Variants in GRIA3 observed in about 807,000 individuals in gnomAD.
The protein encoded by GRIA3 is glutamate ionotropic receptor AMPA type subunit 3.
Under a neutral mutation model 63.0 loss-of-function variants are expected in GRIA3, and 3 were observed. The observed-to-expected ratio is 0.05, with a 90% CI of 0.02 to 0.12. The LOEUF (loss-of-function observed/expected upper bound fraction) is 0.12. Ranked by LOEUF, GRIA3 falls within the 10% of genes least tolerant of loss-of-function variation. The pLI, the probability that GRIA3 is intolerant of heterozygous loss-of-function variation, is 1.00. For synonymous variants in GRIA3, 274 were observed against 257.9 expected (o/e 1.06, Z -0.60); for missense variants, 347 against 700.9 (o/e 0.50, Z 5.70).
intron 2 of GRIA3, among the ~76,000 whole-genome samples, chrX:123,221,528 C>T (rs1292992795): frequency 8.9e-6 from 1 of 111,907 alleles, no homozygotes; most frequent in East Asian, 2.8e-4. Context: ...TTTTCAAATG[C>T]AAGCATGTGT....
At chrX:123,298,181 G>C (rs1270590740) in intron 3 of GRIA3, among the ~76,000 whole-genome samples, 1 of 111,367 alleles carries the variant, frequency 9.0e-6, no homozygotes, top group Non-Finnish European at 1.9e-5. Flanking sequence ...TGAATATGCT[G>C]CAATGAACAG....
rs1450893578 is a variant in GRIA3 at position 123,369,444 on chromosome X, C to G, written c.750+14481C>G. 3.6e-5 allele frequency among the ~76,000 whole-genome samples: 4 copies of G among 111,865 alleles called. No homozygotes were observed. The East Asian group carries it at 1.1e-3, about 31-fold the overall frequency. The stretch of plus-strand genomic sequence containing the variant: ...ATTCATCCCTTTTTTCCCAGTTGCT[C>G]AGATCCTCAATTCCTGTCGAAGATT... On this transcript the variant is annotated intron_variant, in intron 5 of 15. Transcript: ENST00000620443.
At chrX:123,218,106 A>G (rs1320225451) in intron 2 of GRIA3, among the ~76,000 whole-genome samples, 3 of 112,738 alleles carry the variant, frequency 2.7e-5, no homozygotes, top group Non-Finnish European at 1.9e-5. Context: ...ACATTGTTCC[A>G]AAGATGCTAA....
intron 12 of GRIA3, among the ~76,000 whole-genome samples, chrX:123,429,966 T>A (rs1016548085): frequency 8.9e-6 from 1 of 112,280 alleles, no homozygotes; most frequent in Non-Finnish European, 1.9e-5. Flanking sequence ...TCTGGAAAGA[T>A]GAAGAGATTT....
At chrX:123,207,640 A>T (rs1005103250) in intron 2 of GRIA3, among the ~76,000 whole-genome samples, 1 of 112,186 alleles carries the variant, frequency 8.9e-6, no homozygotes, top group African/African-American at 3.2e-5. Flanking sequence ...TTTCTACTTC[A>T]GTGGGGCTTG....
chrX:123,390,896 C>A (rs1178395753), intron 5 of GRIA3, among the ~76,000 whole-genome samples: 3 of 110,440 alleles, frequency 2.7e-5, no homozygotes, highest in Non-Finnish European at 5.7e-5. Flanking sequence ...AAAATTATTT[C>A]TTCTGCTTGA....
chrX:123,481,929 A>G (rs905666779), intron 14 of GRIA3, among the ~76,000 whole-genome samples: 10 of 112,086 alleles, frequency 8.9e-5, no homozygotes, highest in Admixed American at 8.5e-4. Context: ...ATTTTTAAAA[A>G]TTATTCTCTA....
intron 3 of GRIA3, among the ~76,000 whole-genome samples, chrX:123,274,238 C>T (rs2044540569): frequency 8.9e-6 from 1 of 112,358 alleles, no homozygotes; most frequent in Admixed American, 9.4e-5. Flanking sequence ...TACTGTGTTT[C>T]CTGTCTTTTT....
At chrX:123,345,581 T>C (rs972950388) in intron 4 of GRIA3, among the ~76,000 whole-genome samples, 1 of 109,602 alleles carries the variant, frequency 9.1e-6, no homozygotes, top group East Asian at 2.9e-4. Flanking sequence ...CAGGGGAAGG[T>C]GGCAGTGCGG....
chrX:123,437,850 G>A (rs2045653984), intron 12 of GRIA3, among the ~76,000 whole-genome samples: 2 of 111,863 alleles, frequency 1.8e-5, no homozygotes, highest in South Asian at 3.8e-4. Context: ...GTTGGAGAAC[G>A]TTAGCTGTCT....
chrX:123,431,399 TG>T (rs199652417), intron 12 of GRIA3, among the ~76,000 whole-genome samples: 7,554 of 111,942 alleles, frequency 0.067, 583 homozygotes, highest in African/African-American at 0.22. Flanking sequence ...CCATGATCAG[TG>T]GAACAGAGGG....
At chrX:123,451,374 C>T (rs1019622600) in intron 12 of GRIA3, among the ~76,000 whole-genome samples, 6 of 106,611 alleles carry the variant, frequency 5.6e-5, no homozygotes, top group Non-Finnish European at 7.7e-5. Flanking sequence ...GATGAGGTGG[C>T]ACATGCTTGT....
intron 12 of GRIA3, among the ~76,000 whole-genome samples, chrX:123,429,289 G>A (rs1227887857): frequency 1.8e-5 from 2 of 112,328 alleles, no homozygotes; most frequent in African/African-American, 3.2e-5. Flanking sequence ...ACCAGGAAGA[G>A]TACATTTCTT....
intron 10 of GRIA3, among the ~76,000 whole-genome samples, chrX:123,413,736 A>G (rs1031483432): frequency 1.8e-5 from 2 of 110,284 alleles, no homozygotes; most frequent in African/African-American, 6.6e-5. Context: ...ATGAGATGAG[A>G]GTTGAAACCA....
At chrX:123,407,691 CGGGGGG>C (rs1214936362) in intron 10 of GRIA3, among the ~76,000 whole-genome samples, 1 of 2,050 alleles carries the variant, frequency 4.9e-4, no homozygotes, top group African/African-American at 1.5e-3. Context: ...GACTTGGTTG[CGGGGGG>C]GGGGGGGACG....
chrX:123,286,175 A>C (rs1427709498), intron 3 of GRIA3, among the ~76,000 whole-genome samples: 1 of 112,096 alleles, frequency 8.9e-6, no homozygotes, highest in Non-Finnish European at 1.9e-5. Flanking sequence ...ACTACTGGGT[A>C]AATAACAAAA....
At chrX:123,384,415 G>A (rs1159509183) in intron 5 of GRIA3, among the ~76,000 whole-genome samples, 5 of 111,742 alleles carry the variant, frequency 4.5e-5, no homozygotes, top group South Asian at 3.7e-4. Flanking sequence ...ACCTGAGGTC[G>A]GGAGTTCGAG....
chrX:123,232,461 G>A (rs1216687356), intron 2 of GRIA3, among the ~76,000 whole-genome samples: 1 of 111,665 alleles, frequency 9.0e-6, no homozygotes, highest in African/African-American at 3.3e-5. Context: ...GGGAAATGGG[G>A]AGTTATTATT....
At chrX:123,352,360 G>A (rs755377266) in intron 4 of GRIA3, among the ~76,000 whole-genome samples, 3 of 112,627 alleles carry the variant, frequency 2.7e-5, no homozygotes, top group Non-Finnish European at 5.6e-5. Context: ...GATTACAGGC[G>A]TAAGCCACCG....
Sources: allele counts gnomAD v4.1 joint callset (sites outside exome capture counted in the v4.1 genomes callset), GRCh38; gene constraint gnomAD v4.1.1; transcripts MANE v1.5; gene names NCBI Gene and HGNC (gene_info 2026-07-23, HGNC 2026-07-21).